PRDM15: variants seen among roughly 807,000 people sequenced by gnomAD.
PRDM15 encodes PR/SET domain 15.
PRDM15 carries 64 observed loss-of-function variants against 128.6 expected under a neutral mutation model. The observed-to-expected ratio is 0.50, with a 90% CI of 0.41 to 0.61. The LOEUF (loss-of-function observed/expected upper bound fraction) is 0.61, where lower values mean the gene tolerates loss of function less well. Ranked by LOEUF, PRDM15 falls within the 20% of genes least tolerant of loss-of-function variation. The pLI is 0.00. For missense variants in PRDM15, 1,242 were observed against 1,569.1 expected, an observed-to-expected ratio of 0.79 and a Z score of 3.52; for synonymous variants, 615 against 621.8, an observed-to-expected ratio of 0.99 and a Z score of 0.16.
chr21:41,800,595 C>T lies in PRDM15; in HGVS notation c.*645G>A, dbSNP rs1205551981. 1 of 152,146 alleles carries T rather than the reference C, an allele frequency of 6.6e-6. No homozygotes were observed. Among genetic ancestry groups the T allele is most frequent in the African/African-American group, 2.4e-5 (1 of 41,428 alleles). The allele number at this position is 152,146 out of a possible 1,614,324, so 9.4% of individuals were successfully genotyped here. On this transcript the variant is annotated 3_prime_UTR_variant, in exon 24 of 24. Coordinates refer to ENST00000398548, the MANE Select transcript of PRDM15 (RefSeq NM_001040424.3). ...AGCTGGAGTCAGTGACCTCACGTGA[C>T]CCCTTGCACATGATGACCGTGATGA...
In PRDM15 at chr21:41,859,535, T is replaced by A; in HGVS notation, c.131+57A>T. ...CCCCGTCTGCAGACCCAAAGGCCAC[T>A]AGGCTCCTGCCGCAGCTGGCATATG... On this transcript the variant is annotated intron_variant, in intron 3 of 23. Coordinates refer to ENST00000398548, the MANE Select transcript of PRDM15 (RefSeq NM_001040424.3). The surrounding 1 kb of genome is among the most constrained non-coding windows in gnomAD (Gnocchi z 5.3). 7.0e-7 allele frequency: 1 copy of A among 1,432,960 alleles called. No individual in the cohort carries two copies. Among genetic ancestry groups the A allele is most frequent in the Non-Finnish European group, 9.8e-7 (1 of 1,024,024 alleles). 88.8% of individuals were successfully genotyped at this position (1,432,960 alleles called of 1,614,324 possible).
At chr21:41,836,261 G>A in intron 9 of PRDM15, 54 bp from the exon 10 acceptor site, 1 of 1,522,442 alleles carries the variant, frequency 6.6e-7, no homozygotes, top group Non-Finnish European at 9.1e-7. Flanking sequence ...TTTACCGAGA[G>A]AAGCATGCCC....
intron 1 of PRDM15, among the ~76,000 whole-genome samples, chr21:41,868,694 CT>C (rs55653735): frequency 1.2e-3 from 153 of 125,156 alleles, no homozygotes; most frequent in African/African-American, 3.0e-3. Context: ...TTTTCTTTTT[CT>C]TTTTTTTTTT....
chr21:41,808,603 C>A (rs1248633755), intron 21 of PRDM15, among the ~76,000 whole-genome samples: 1 of 152,264 alleles, frequency 6.6e-6, no homozygotes, highest in African/African-American at 2.4e-5. Context: ...AATTACCCAT[C>A]ACTTCAAGAA....
intron 5 of PRDM15, among the ~76,000 whole-genome samples, chr21:41,850,313 A>ACACTCTCCTCCTGGTGCCCGCCCC (rs760550562): frequency 4.9e-5 from 7 of 142,078 alleles, no homozygotes; most frequent in African/African-American, 7.7e-5. Flanking sequence ...GTGCCCCCCC[A>ACACTCTCCTCCTGGTGCCCGCCCC]ACACTCTCCT....
In PRDM15 at chr21:41,828,931, C is replaced by A. The variant is rs375546142; in HGVS notation, c.1367-598G>T. ...AAATACAAACACACTCAACACACACCCCCCACACAAATACACAATCACACA... is the reference window on the plus strand; with the variant it reads ...AAATACAAACACACTCAACACACACACCCCACACAAATACACAATCACACA... On this transcript the variant is annotated intron_variant, in intron 11 of 23. Transcript: ENST00000398548. This position sits in a 1 kb window ranked among gnomAD's most constrained non-coding sequence, Gnocchi z 5.7. Among the ~76,000 whole-genome samples the A allele has an allele frequency of 3.3e-5, 5 of 149,326 alleles. No individual in the cohort carries two copies. Among genetic ancestry groups the A allele is most frequent in the Non-Finnish European group, 5.9e-5 (4 of 67,738 alleles).
In PRDM15 at chr21:41,804,579, G is replaced by C. The variant is rs764530806; in HGVS notation, c.2688C>G (p.Leu896=). ...LAVRIDDLDH[L]PETTTIDASS... ...AGGCGTCGATGGTGGTGGTCTCCGG[G>C]AGGTGGTCCAGGTCATCGATCCTCA... The change falls in exon 22 of 24, where the codon CTC becomes CTG. Residue 896 remains leucine, a synonymous_variant. Coordinates refer to ENST00000398548, the MANE Select transcript of PRDM15 (RefSeq NM_001040424.3). 3.2e-6 allele frequency: 5 copies of C among 1,571,968 alleles called. No homozygotes were observed. Among genetic ancestry groups the C allele is most frequent in the Non-Finnish European group, 4.3e-6 (5 of 1,158,566 alleles).
Position 41,879,194 on chromosome 21 carries a change from G to T in PRDM15, c.-10+76C>A. 2.5e-6 allele frequency: 2 copies of T among 791,864 alleles called. No individual in the cohort carries two copies. Among genetic ancestry groups the T allele is most frequent in the South Asian group, 5.5e-5 (1 of 18,278 alleles). 49.1% of individuals were successfully genotyped at this position (791,864 alleles called of 1,614,324 possible). Reference sequence around the variant, plus strand: ...GGGCCCAGGGCGCGCCGGGGCTCGCGGGGGCAGCGGGTGCGGCCCGGGGCC... The same window carrying T: ...GGGCCCAGGGCGCGCCGGGGCTCGCTGGGGCAGCGGGTGCGGCCCGGGGCC... On this transcript the variant is annotated intron_variant, in intron 1 of 23. Coordinates refer to ENST00000398548, the MANE Select transcript of PRDM15 (RefSeq NM_001040424.3). This position sits in a 1 kb window ranked among gnomAD's most constrained non-coding sequence, Gnocchi z 5.1.
intron 13 of PRDM15, 92 bp from the exon 14 acceptor site, chr21:41,823,541 G>T: frequency 7.1e-7 from 1 of 1,406,386 alleles, no homozygotes; most frequent in South Asian, 1.4e-5. Flanking sequence ...ACCACAACCC[G>T]GGACGGAAAC....
At chr21:41,838,747 C>T (rs1162598993) in intron 7 of PRDM15, among the ~76,000 whole-genome samples, 1 of 152,214 alleles carries the variant, frequency 6.6e-6, no homozygotes, top group Non-Finnish European at 1.5e-5. Context: ...CAGCGCCCAA[C>T]AGTGCACAGC....
At position 41,879,089 on chromosome 21, in the gene PRDM15, C is replaced by T. The variant is rs1414632545; in HGVS notation, c.-10+181G>A. The T allele has an allele frequency of 8.9e-7, 1 of 1,128,146 alleles. No individual in the cohort carries two copies. 69.9% of individuals were successfully genotyped at this position (1,128,146 alleles called of 1,614,324 possible). On this transcript the variant is annotated intron_variant, in intron 1 of 23. Coordinates refer to ENST00000398548, the MANE Select transcript of PRDM15 (RefSeq NM_001040424.3). The surrounding 1 kb of genome is among the most constrained non-coding windows in gnomAD (Gnocchi z 5.1). ...GATCGCCAACGGTGCCCGCAGCCGGCGAATGTAACAAAGAACAGTCGGCAT... is the reference window on the plus strand; with the variant it reads ...GATCGCCAACGGTGCCCGCAGCCGGTGAATGTAACAAAGAACAGTCGGCAT...
At chr21:41,853,848 C>T (rs955026639) in intron 5 of PRDM15, among the ~76,000 whole-genome samples, 2 of 152,220 alleles carry the variant, frequency 1.3e-5, no homozygotes, top group African/African-American at 4.8e-5. Flanking sequence ...TGAGCAGCAA[C>T]ACTGGAGCCG....
chr21:41,836,075 A>C (rs1299283658), intron 10 of PRDM15, 38 bp downstream of exon 10: 7 of 1,471,062 alleles, frequency 4.8e-6, no homozygotes, highest in Non-Finnish European at 6.6e-6. Flanking sequence ...TGTTGTCCAC[A>C]CAACTGGGAA....
At chr21:41,806,445 C>CCACCAG (rs1568883164) in intron 21 of PRDM15, among the ~76,000 whole-genome samples, 16 of 61,130 alleles carry the variant, frequency 2.6e-4, no homozygotes, top group Non-Finnish European at 3.1e-4. Flanking sequence ...ACCACCATCA[C>CCACCAG]CACCACCCAT....
chr21:41,810,233 G>A lies in PRDM15; in HGVS notation c.2573C>T (p.Ala858Val), dbSNP rs745721908. 4 of 1,613,144 alleles carry A rather than the reference G, an allele frequency of 2.5e-6. No homozygotes were observed. Among genetic ancestry groups the A allele is most frequent in the East Asian group, 2.2e-5 (1 of 44,862 alleles). Reference sequence around the variant, plus strand: ...GGTCCCGCACAGCTGGCAGCTCTGCGCCTCCACCTTGTCGTGTGTGAGCTG... The same window carrying A: ...GGTCCCGCACAGCTGGCAGCTCTGCACCTCCACCTTGTCGTGTGTGAGCTG... ...HVQLTHDKVEAQSCQLCGTKV... is the reference protein window; with the variant it reads ...HVQLTHDKVEVQSCQLCGTKV... The change falls in exon 21 of 24, where the codon GCG (alanine) becomes GTG (valine). Residue 858 changes from alanine to valine, a missense_variant. By Grantham distance (64) the Ala-to-Val change is moderately conservative. This residue lies in a region of PRDM15 where 602 missense variants were observed against 788.3 expected (regional missense o/e 0.76). Transcript: ENST00000398548. This position sits in a 1 kb window ranked among gnomAD's most constrained non-coding sequence, Gnocchi z 6.4.
At chr21:41,837,742 A>G (rs992122163) in intron 8 of PRDM15, among the ~76,000 whole-genome samples, 192 bp downstream of exon 8, 1 of 152,194 alleles carries the variant, frequency 6.6e-6, no homozygotes, top group African/African-American at 2.4e-5. Flanking sequence ...TTCACAGTGG[A>G]TGCACCATTA....
chr21:41,829,568 C>T (rs944886900), intron 11 of PRDM15, among the ~76,000 whole-genome samples: 1,837 of 145,734 alleles, frequency 0.013, 46 homozygotes, highest in African/African-American at 0.044. Context: ...CATACACAAC[C>T]CACAAACAGA....
At position 41,879,159 on chromosome 21, in the gene PRDM15, G is replaced by GCAGGCGAGACCCT. The variant is rs2064546899; in HGVS notation, c.-10+110_-10+111insAGGGTCTCGCCTG. 5.4e-6 allele frequency: 5 copies of GCAGGCGAGACCCT among 918,246 alleles called. No homozygotes were observed. The highest frequency in any genetic ancestry group is 6.4e-5 in the Admixed American group (1 of 15,574). 56.9% of individuals were successfully genotyped at this position (918,246 alleles called of 1,614,324 possible). ...CGCGCGGCTGCCGGGCGCGGGGGGC[G>GCAGGCGAGACCCT]GGGGGCAGCGGGCCCAGGGCGCGCC... On this transcript the variant is annotated intron_variant, in intron 1 of 23. Coordinates refer to ENST00000398548, the MANE Select transcript of PRDM15 (RefSeq NM_001040424.3). This position sits in a 1 kb window ranked among gnomAD's most constrained non-coding sequence, Gnocchi z 5.1.
At chr21:41,861,534 G>GGC in intron 1 of PRDM15, 2 of 1,475,166 alleles carry the variant, frequency 1.4e-6, no homozygotes, top group Non-Finnish European at 1.9e-6. Context: ...TTCCTCCTCT[G>GGC]CCCCCCCCCA....
Sources: gnomAD v4.1 joint callset for allele counts (sites outside exome capture counted in the v4.1 genomes callset) on GRCh38, gnomAD v4.1.1 for gene constraint, gnomAD v4.1.1 regional missense constraint, Gnocchi (gnomAD v3.1) non-coding constraint, MANE v1.5 for transcripts, NCBI Gene and HGNC (gene_info 2026-07-23, HGNC 2026-07-21) for gene names.